GAB1: variants seen among roughly 807,000 people sequenced by gnomAD.
GAB1 encodes GRB2-associated-binding protein 1.
Under a neutral mutation model 66.5 loss-of-function variants are expected in GAB1, and 19 were observed. That is an observed-to-expected ratio of 0.29 (90% CI 0.20 to 0.42). GAB1 has a LOEUF of 0.42. GAB1 is among the 10% of genes least tolerant of loss of function. GAB1 has a pLI of 1.00. For synonymous variants in GAB1, 294 were observed against 301.4 expected, an observed-to-expected ratio of 0.98 and a Z score of 0.25; for missense variants, 732 against 858.5, an observed-to-expected ratio of 0.85 and a Z score of 1.84.
rs1365237837 is a variant in GAB1, at chr4:143,438,436, G to A, written c.1031G>A (p.Arg344Gln). 1.2e-6 allele frequency: 2 copies of A among 1,613,818 alleles called. No individual in the cohort carries two copies. Among genetic ancestry groups the A allele is most frequent in the Non-Finnish European group, 8.5e-7 (1 of 1,179,962 alleles). The change falls in exon 4 of 10, where the codon CGG (arginine) becomes CAG (glutamine). Residue 344 changes from arginine (R) to glutamine (Q), a missense_variant. Coordinates refer to ENST00000262994, the MANE Select transcript of GAB1 (RefSeq NM_002039.4). ...ACTATTCCAGATATTCCTCCACCTCGGCCACCGAAACCACATCCAGCTCAT... is the reference window on the plus strand; with the variant it reads ...ACTATTCCAGATATTCCTCCACCTCAGCCACCGAAACCACATCCAGCTCAT... ...LDTIPDIPPP[R>Q]PPKPHPAHDR...
chr4:143,350,015 C>T (rs1729136245), intron 1 of GAB1: 6 of 1,565,490 alleles, frequency 3.8e-6, no homozygotes, highest in Non-Finnish European at 5.2e-6. Flanking sequence ...CGACCCCGGC[C>T]CCGGATGCCA....
intron 1 of GAB1, among the ~76,000 whole-genome samples, chr4:143,409,456 A>G (rs1341910439): frequency 1.3e-5 from 2 of 150,922 alleles, no homozygotes; most frequent in South Asian, 2.1e-4. Flanking sequence ...CTGATGGACA[A>G]CATCTCACCA....
Position 143,472,453 on chromosome 4 carries a change from CT to C in GAB1, c.*3269del, listed in dbSNP as rs1287722430. 6.6e-6 allele frequency: 1 copy of C among 152,106 alleles called. No homozygotes were observed. Among genetic ancestry groups the C allele is most frequent in the Non-Finnish European group, 1.5e-5 (1 of 67,996 alleles). The allele number at this position is 152,106 out of a possible 1,614,324, so 9.4% of individuals were successfully genotyped here. A position where few individuals can be genotyped will look rare whatever the true frequency, so the allele number is the denominator to read the frequency against. ...CCTGAAATTGAACACCAGTGTTTTT[CT>C]TTTTCTACTTATGGGAAGTTGTCTG... On this transcript the variant is annotated 3_prime_UTR_variant, in exon 10 of 10. Transcript: ENST00000262994.
chr4:143,464,521 C>T (rs1030789119), intron 8 of GAB1, among the ~76,000 whole-genome samples: 6 of 152,108 alleles, frequency 3.9e-5, no homozygotes, highest in Admixed American at 1.3e-4. Flanking sequence ...TGAGCCACCG[C>T]GCCTAGCCAT....
In GAB1 at chr4:143,469,017, T is replaced by G. The variant is rs1211090085; in HGVS notation, c.1927-14T>G. ...TTTATATGTTGGACTTTTTGTTTTTTCTTTGTGTTTTAGCAAAAGAGCAGT... is the reference window on the plus strand; with the variant it reads ...TTTATATGTTGGACTTTTTGTTTTTGCTTTGTGTTTTAGCAAAAGAGCAGT... On this transcript the variant is annotated splice_polypyrimidine_tract_variant and intron_variant, in intron 9 of 9. Transcript: ENST00000262994. 6.2e-7 allele frequency: 1 copy of G among 1,612,644 alleles called. No homozygotes were observed. Among genetic ancestry groups the G allele is most frequent in the Non-Finnish European group, 8.5e-7 (1 of 1,179,192 alleles).
intron 6 of GAB1, among the ~76,000 whole-genome samples, chr4:143,450,332 T>C (rs1398699083): frequency 6.6e-6 from 1 of 152,180 alleles, no homozygotes; most frequent in Non-Finnish European, 1.5e-5. Flanking sequence ...CTACTGGAAG[T>C]AGTAGCATAA....
intron 1 of GAB1, among the ~76,000 whole-genome samples, chr4:143,411,054 G>A (rs375718496): frequency 1.3e-5 from 2 of 152,272 alleles, no homozygotes; most frequent in East Asian, 3.9e-4. Flanking sequence ...GTGAGAGGCA[G>A]GACAGAGCAG....
In GAB1 at chr4:143,419,315, G is replaced by A. The variant is rs554883465; in HGVS notation, c.367+3544G>A. 2.6e-5 allele frequency among the ~76,000 whole-genome samples: 4 copies of A among 152,120 alleles called. 1 individual carries two copies. The East Asian group carries it at 7.7e-4, about 29-fold the overall frequency. On this transcript the variant is annotated intron_variant, in intron 2 of 9. Transcript: ENST00000262994. ...AGAGCTTACAGTCAGTCTAGTAGGAGGGACAAATAATCCAGGAATTATACT... is the reference window on the plus strand; with the variant it reads ...AGAGCTTACAGTCAGTCTAGTAGGAAGGACAAATAATCCAGGAATTATACT...
At position 143,470,408 on chromosome 4, in the gene GAB1, A is replaced by G. The variant is rs745740894; in HGVS notation, c.*1219A>G. ...ACTGTGATTTATATTCACTGCCCCA[A>G]TTCAAGAAATATTGGAGCCTTGCTA... is the stretch of plus-strand genomic sequence containing the variant. On this transcript the variant is annotated 3_prime_UTR_variant, in exon 10 of 10. Coordinates refer to ENST00000262994, the MANE Select transcript of GAB1 (RefSeq NM_002039.4). 1 of 152,166 alleles carries G rather than the reference A, an allele frequency of 6.6e-6. No homozygotes were observed. The highest frequency in any genetic ancestry group is 6.6e-5 in the Admixed American group (1 of 15,264). 9.4% of individuals were successfully genotyped at this position (152,166 alleles called of 1,614,324 possible).
intron 1 of GAB1, among the ~76,000 whole-genome samples, chr4:143,354,331 T>G (rs1192096180): frequency 6.6e-6 from 1 of 152,206 alleles, no homozygotes; most frequent in Non-Finnish European, 1.5e-5. Context: ...TTCTAACTCA[T>G]ATACTGTTTA....
chr4:143,437,847 T>C, intron 3 of GAB1, 152 bp from the exon 4 acceptor site: 1 of 763,206 alleles, frequency 1.3e-6, no homozygotes. Flanking sequence ...TCATAAAGGC[T>C]AAAGAACATT....
chr4:143,464,352 C>G, intron 8 of GAB1, among the ~76,000 whole-genome samples: 1 of 152,086 alleles, frequency 6.6e-6, no homozygotes, highest in East Asian at 1.9e-4. Flanking sequence ...CCTCAGCCTC[C>G]CAAGTAGCTG....
At chr4:143,428,996 TAAATA>T (rs1457798498) in intron 2 of GAB1, among the ~76,000 whole-genome samples, 1 of 152,094 alleles carries the variant, frequency 6.6e-6, no homozygotes, top group Non-Finnish European at 1.5e-5. Flanking sequence ...TAAAGTATAA[TAAATA>T]AAAATAAATA....
rs3805262 is a variant in GAB1, at chr4:143,341,998, A to G, written c.72+4738A>G. On this transcript the variant is annotated intron_variant, in intron 1 of 9. Coordinates refer to ENST00000262994, the MANE Select transcript of GAB1 (RefSeq NM_002039.4). ...AAGCATAATTATTCTATTGAAGGAA[A>G]TTTTTTCTTGCCATCCTCATGTTAG... 6.2e-4 allele frequency among the ~76,000 whole-genome samples: 94 copies of G among 152,222 alleles called. No individual in the cohort carries two copies. In the East Asian group the frequency reaches 0.016, roughly 27 times the overall value.
chr4:143,460,291 CA>C (rs906898712), intron 7 of GAB1, 72 bp from the exon 8 acceptor site: 306 of 1,408,136 alleles, frequency 2.2e-4, no homozygotes, highest in Admixed American at 3.2e-4. Flanking sequence ...GACTGTCTCT[CA>C]TTTTTATTTG....
chr4:143,464,273 A>C (rs1290023039), intron 8 of GAB1, among the ~76,000 whole-genome samples: 1 of 152,152 alleles, frequency 6.6e-6, no homozygotes. Context: ...TCTGTTGCCC[A>C]GGCTGGAGTG....
chr4:143,416,446 T>C (rs1270494756), intron 2 of GAB1, among the ~76,000 whole-genome samples: 1 of 151,780 alleles, frequency 6.6e-6, no homozygotes, highest in East Asian at 1.9e-4. Flanking sequence ...CCCAATTCTT[T>C]AGGTGCTATT....
chr4:143,402,499 A>G (rs28925879), intron 1 of GAB1, among the ~76,000 whole-genome samples: 22 of 152,188 alleles, frequency 1.4e-4, no homozygotes, highest in Admixed American at 8.5e-4. Flanking sequence ...AGTCTTAGGA[A>G]TGAGGAATGG....
intron 1 of GAB1, chr4:143,349,202 T>C (rs1034754914): frequency 1.8e-5 from 10 of 546,686 alleles, no homozygotes; most frequent in Non-Finnish European, 3.1e-5. Flanking sequence ...GGAGTAGTTA[T>C]ATATTATTTT....
Sources: allele counts gnomAD v4.1 joint callset (sites outside exome capture counted in the v4.1 genomes callset), GRCh38; gene constraint gnomAD v4.1.1; transcripts MANE v1.5; gene names NCBI Gene and HGNC (gene_info 2026-07-23, HGNC 2026-07-21).